ZNF846: variants seen among roughly 807,000 people sequenced by gnomAD.
ZNF846 encodes zinc finger protein 420 pseudogene.
ZNF846 carries 15 observed loss-of-function variants against 16.0 expected under a neutral mutation model. That is an observed-to-expected ratio of 0.94 (90% confidence interval 0.63 to 1.45). The LOEUF is 1.45. ZNF846 is among the 40% of genes most tolerant of loss of function. ZNF846 has a pLI of 0.00. For synonymous variants in ZNF846, 229 were observed against 212.0 expected (o/e 1.08, Z -0.70); for missense variants, 714 against 622.3 (o/e 1.15, Z -1.57).
At chr19:9,778,129 G>A (rs2045465614) in intron 1 of ZNF846, among the ~76,000 whole-genome samples, 2 of 152,016 alleles carry the variant, frequency 1.3e-5, no homozygotes, top group South Asian at 4.2e-4. Context: ...ACTAGACAAG[G>A]ACTTTAAAAC....
intron 1 of ZNF846, among the ~76,000 whole-genome samples, 183 bp from the exon 2 acceptor site, chr19:9,765,218 C>A (rs901854380): frequency 6.6e-6 from 1 of 151,652 alleles, no homozygotes; most frequent in Non-Finnish European, 1.5e-5. Flanking sequence ...ACTAAAAATC[C>A]AAAAAAACCA....
chr19:9,765,717 C>T (rs770697587), intron 1 of ZNF846, among the ~76,000 whole-genome samples: 1 of 152,080 alleles, frequency 6.6e-6, no homozygotes, highest in Non-Finnish European at 1.5e-5. Context: ...CCATACCCTG[C>T]ATTGCAGACA....
At chr19:9,756,354 T>TATATATATAA (rs1394050339), downstream of ZNF846, 7 of 103,280 alleles carry the variant, frequency 6.8e-5, no homozygotes, top group African/African-American at 3.6e-4. Context: ...TGTATATATA[T>TATATATATAA]ATATATATAT....
At chr19:9,751,009 C>A (rs893058458), downstream of ZNF846, among the ~76,000 whole-genome samples, 1 of 152,162 alleles carries the variant, frequency 6.6e-6, no homozygotes, top group African/African-American at 2.4e-5. Flanking sequence ...CAAAACCTCG[C>A]TAGTCAGGCA....
intron 1 of ZNF846, among the ~76,000 whole-genome samples, chr19:9,778,306 C>G (rs1255979104): frequency 6.6e-6 from 1 of 152,196 alleles, no homozygotes; most frequent in African/African-American, 2.4e-5. Flanking sequence ...AAATTCACTA[C>G]AGGGATTCAA....
At chr19:9,769,607 C>T (rs1165095689), upstream of ZNF846, among the ~76,000 whole-genome samples, 6 of 152,002 alleles carry the variant, frequency 3.9e-5, 1 homozygote, top group Admixed American at 3.9e-4. Flanking sequence ...AAGATAATCC[C>T]GCTGTAGTCC....
chr19:9,754,379 C>G (rs963093788), downstream of ZNF846, among the ~76,000 whole-genome samples: 1 of 151,108 alleles, frequency 6.6e-6, no homozygotes, highest in East Asian at 1.9e-4. Flanking sequence ...GCCTGGTCAA[C>G]ATGGCAAAAC....
At chr19:9,776,000 G>T (rs1218711087) in intron 1 of ZNF846, among the ~76,000 whole-genome samples, 1 of 152,188 alleles carries the variant, frequency 6.6e-6, no homozygotes, top group Non-Finnish European at 1.5e-5. Flanking sequence ...GAGCTGAGGG[G>T]ACATAGTGAG....
upstream of ZNF846, among the ~76,000 whole-genome samples, chr19:9,773,411 A>AGT (rs376059174): frequency 4.6e-5 from 7 of 151,982 alleles, no homozygotes; most frequent in South Asian, 4.2e-4. Context: ...CCTATAGCTG[A>AGT]GTGTGTGTGT....
At chr19:9,765,630 A>G (rs2045303382) in intron 1 of ZNF846, among the ~76,000 whole-genome samples, 1 of 149,860 alleles carries the variant, frequency 6.7e-6, no homozygotes, top group Admixed American at 6.7e-5. Flanking sequence ...CCGAGATTGC[A>G]CCACTGCACT....
At chr19:9,755,294 C>A (rs1055695310), downstream of ZNF846, among the ~76,000 whole-genome samples, 1 of 151,546 alleles carries the variant, frequency 6.6e-6, no homozygotes, top group Non-Finnish European at 1.5e-5. Flanking sequence ...AACTTTTCAA[C>A]CACAGAAAAT....
upstream of ZNF846, chr19:9,768,787 G>A (rs1319003709): frequency 1.3e-5 from 2 of 152,364 alleles, no homozygotes; most frequent in African/African-American, 2.4e-5. Context: ...ACGGCATTAA[G>A]TGTAGGGGCC....
chr19:9,767,864 C>T (rs2045342752), intron 1 of ZNF846, among the ~76,000 whole-genome samples: 1 of 152,066 alleles, frequency 6.6e-6, no homozygotes, highest in Non-Finnish European at 1.5e-5. Context: ...GACCGGGAGA[C>T]AGAGTTTACA....
intron 1 of ZNF846, among the ~76,000 whole-genome samples, chr19:9,765,464 A>G (rs2045300628): frequency 6.6e-6 from 1 of 152,262 alleles, no homozygotes; most frequent in African/African-American, 2.4e-5. Flanking sequence ...CGAGGTTAGG[A>G]GATCGAGACC....
At chr19:9,781,843 A>G (rs1301469733) in intron 1 of ZNF846, among the ~76,000 whole-genome samples, 5 of 145,858 alleles carry the variant, frequency 3.4e-5, no homozygotes, top group African/African-American at 1.3e-4. Flanking sequence ...CAATGGTGCG[A>G]TCTTGACTCA....
chr19:9,762,448 G>C (rs1371728844), intron 3 of ZNF846: 1 of 272,770 alleles, frequency 3.7e-6, no homozygotes, highest in Non-Finnish European at 7.0e-6. Context: ...GACCAGCCTG[G>C]CCAACGTGGT....
At chr19:9,757,673 G>A in exon 6 of ZNF846, 1 of 1,613,302 alleles carries the variant, frequency 6.2e-7, no homozygotes, top group South Asian at 1.1e-5. Context: ...GCGTTCGCAT[G>A]TGCATATTAA....
At chr19:9,774,137 C>CAT (rs1555714023) in intron 1 of ZNF846, among the ~76,000 whole-genome samples, 1 of 152,116 alleles carries the variant, frequency 6.6e-6, no homozygotes, top group African/African-American at 2.4e-5. Flanking sequence ...GACTTAACAT[C>CAT]ATATAGATAG....
intron 5 of ZNF846, 40 bp downstream of exon 5, chr19:9,759,820 T>C (rs971663065): frequency 6.8e-7 from 1 of 1,473,510 alleles, no homozygotes; most frequent in South Asian, 1.2e-5. Context: ...ATTGTGCTTC[T>C]TGTCCTAGTG....
Sources: gnomAD v4.1 joint callset for allele counts (sites outside exome capture counted in the v4.1 genomes callset) on GRCh38, gnomAD v4.1.1 for gene constraint, MANE v1.5 for transcripts, NCBI Gene and HGNC (gene_info 2026-07-23, HGNC 2026-07-21) for gene names.